The following ASB18 variants were observed in gnomAD, a reference collection of about 807,000 sequenced individuals.
ASB18 encodes ankyrin repeat and SOCS box protein 18.
Under a neutral mutation model 33.4 loss-of-function variants are expected in ASB18, and 33 were observed. That is an observed-to-expected ratio of 0.99 (90% CI 0.75 to 1.32). ASB18 has a LOEUF of 1.32. ASB18 is among the 40% of genes most tolerant of loss of function. The probability of loss-of-function intolerance (pLI) is 0.00; values close to 1 mark genes in which losing one functional copy is unlikely to be tolerated. For synonymous variants in ASB18, 295 were observed against 307.6 expected, an observed-to-expected ratio of 0.96 and a Z score of 0.43; for missense variants, 694 against 655.5, an observed-to-expected ratio of 1.06 and a Z score of -0.64.
intron 1 of ASB18, chr2:236,247,778 G>C (rs551950549): frequency 1.3e-5 from 2 of 152,326 alleles, no homozygotes; most frequent in South Asian, 4.1e-4. Flanking sequence ...AATTGTCAAA[G>C]TCTTTGAGGA....
Position 236,241,366 on chromosome 2 carries a change from A to G in ASB18, c.242T>C (p.Phe81Ser). 1 of 1,614,004 alleles carries G rather than the reference A, an allele frequency of 6.2e-7. No homozygotes were observed. Among genetic ancestry groups the G allele is most frequent in the Non-Finnish European group, 8.5e-7 (1 of 1,179,888 alleles). Residue 81 changes from phenylalanine to serine, a missense_variant, in exon 2 of 6, where the codon TTC becomes TCC. Phe to Ser is a radical substitution (Grantham distance 155). Coordinates refer to ENST00000409749, the MANE Select transcript of ASB18 (RefSeq NM_212556.4). The surrounding 1 kb of genome is among the most constrained non-coding windows in gnomAD (Gnocchi z 4.2). ...LDHLKPLMDQFFQDANVVFEI... is the reference protein window; with the variant it reads ...LDHLKPLMDQSFQDANVVFEI... The stretch of plus-strand genomic sequence containing the variant: ...AAACACCACGTTGGCATCCTGGAAG[A>G]ACTGGTCCATGAGGGGCTTCAGATG...
At chr2:236,197,982 GC>G (rs1282686590) in intron 4 of ASB18, among the ~76,000 whole-genome samples, 1 of 152,102 alleles carries the variant, frequency 6.6e-6, no homozygotes, top group African/African-American at 2.4e-5. Context: ...ACTTTTCTAA[GC>G]CCAGCTACCA....
Position 236,220,462 on chromosome 2 carries a change from G to A in ASB18, c.597-5596C>T, listed in dbSNP as rs914407486. Reference sequence around the variant, plus strand: ...CACTCTCTCGTCTCCCCTGCCTCCTGATCACCCTCTTTATTCAAAGCCCTG... The same window carrying A: ...CACTCTCTCGTCTCCCCTGCCTCCTAATCACCCTCTTTATTCAAAGCCCTG... On this transcript the variant is annotated intron_variant, in intron 3 of 5. Transcript: ENST00000409749. The surrounding 1 kb of genome is among the most constrained non-coding windows in gnomAD (Gnocchi z 5.1). Among the ~76,000 whole-genome samples the A allele has an allele frequency of 6.6e-6, 1 of 151,890 alleles. No homozygotes were observed. The highest frequency in any genetic ancestry group is 2.4e-5 in the African/African-American group (1 of 41,332).
At chr2:236,202,944 A>T (rs2060412573) in intron 4 of ASB18, among the ~76,000 whole-genome samples, 1 of 151,822 alleles carries the variant, frequency 6.6e-6, no homozygotes, top group Admixed American at 6.6e-5. Flanking sequence ...CTGGAGTTTT[A>T]GTTCCAGGTT....
rs1039983858 is a variant in ASB18, at chr2:236,219,015, G to A, written c.597-4149C>T. 2.9e-4 allele frequency among the ~76,000 whole-genome samples: 44 copies of A among 151,686 alleles called. No individual in the cohort carries two copies. The highest frequency in any genetic ancestry group is 1.4e-3 in the Admixed American group (21 of 15,220). ...CTCCCAAGTAGCTGGGACTATAGCC[G>A]AGTGCCCCCATGCTTGGCTAATTTT... On this transcript the variant is annotated intron_variant, in intron 3 of 5. Transcript: ENST00000409749. The surrounding 1 kb of genome is among the most constrained non-coding windows in gnomAD (Gnocchi z 6.4).
chr2:236,227,271 C>T (rs1355993644), intron 3 of ASB18, among the ~76,000 whole-genome samples: 2 of 151,854 alleles, frequency 1.3e-5, no homozygotes, highest in Admixed American at 1.3e-4. Flanking sequence ...TCATAAATGA[C>T]CAATAACTAT....
rs1424547268 is a variant in ASB18, at chr2:236,193,641, A to G, written c.*1231T>C. Among the ~76,000 whole-genome samples the G allele has an allele frequency of 6.6e-6, 1 of 152,100 alleles. No homozygotes were observed. The highest frequency in any genetic ancestry group is 1.5e-5 in the Non-Finnish European group (1 of 68,010). On this transcript the variant is annotated 3_prime_UTR_variant, in exon 6 of 6. Transcript: ENST00000409749. This position sits in a 1 kb window ranked among gnomAD's most constrained non-coding sequence, Gnocchi z 5.0. ...GAGAAACCCCGTCTCTACTAAAAAT[A>G]AAAAATTAGCCGGGCGTGCTGGCAC...
rs1055091538 is a variant in ASB18, at chr2:236,262,123, G to T, written c.205+2018C>A. ...TAGTTTCAAGTGTTTGGTAAAATGA[G>T]ACACACAGTAAAGATTTTGCAGGGC... On this transcript the variant is annotated intron_variant, in intron 1 of 5. Transcript: ENST00000409749. This position sits in a 1 kb window ranked among gnomAD's most constrained non-coding sequence, Gnocchi z 5.2. Among the ~76,000 whole-genome samples the T allele has an allele frequency of 1.3e-5, 2 of 152,210 alleles. No individual in the cohort carries two copies. The highest frequency in any genetic ancestry group is 2.4e-5 in the African/African-American group (1 of 41,460).
rs1402476426 is a variant in ASB18 at position 236,264,323 on chromosome 2, G to A, written c.23C>T (p.Pro8Leu). The change falls in exon 1 of 6, where the codon CCC becomes CTC. Residue 8 changes from proline (P) to leucine (L), a missense_variant. Pro to Leu is a moderately conservative substitution (Grantham distance 98). Transcript: ENST00000409749. This position sits in a 1 kb window ranked among gnomAD's most constrained non-coding sequence, Gnocchi z 5.1. MSNSDYLPDYPLNSDLVK... is the reference protein window; with the variant it reads MSNSDYLLDYPLNSDLVK... ...TAAATCTGAGTTGAGTGGGTAGTCG[G>A]GAAGGTAATCCGAGTTGGACATTGT... 1.9e-6 allele frequency: 3 copies of A among 1,613,994 alleles called. No homozygotes were observed. The highest frequency in any genetic ancestry group is 2.5e-6 in the Non-Finnish European group (3 of 1,179,884).
chr2:236,259,821 G>A lies in ASB18; in HGVS notation c.205+4320C>T, dbSNP rs2060710023. 6.6e-6 allele frequency among the ~76,000 whole-genome samples: 1 copy of A among 152,242 alleles called. No individual in the cohort carries two copies. Among genetic ancestry groups the A allele is most frequent in the Admixed American group, 6.5e-5 (1 of 15,284 alleles). On this transcript the variant is annotated intron_variant, in intron 1 of 5. Transcript: ENST00000409749. This position sits in a 1 kb window ranked among gnomAD's most constrained non-coding sequence, Gnocchi z 4.4. ...CTCCTGCCTAATGCCTGCCTCAGCA[G>A]GGTATGTTCTGTGCTTTCCCCCAAT... is the stretch of plus-strand genomic sequence containing the variant.
Position 236,260,215 on chromosome 2 carries a change from G to A in ASB18, c.205+3926C>T, listed in dbSNP as rs1198866639. ...GTCTACTGGGCTTGTCCTTGGGATA[G>A]AAACCTCTTCCCTCTTCTTTCCCCC... On this transcript the variant is annotated intron_variant, in intron 1 of 5. Coordinates refer to ENST00000409749, the MANE Select transcript of ASB18 (RefSeq NM_212556.4). The surrounding 1 kb of genome is among the most constrained non-coding windows in gnomAD (Gnocchi z 5.1). Among the ~76,000 whole-genome samples the A allele has an allele frequency of 1.3e-5, 2 of 152,150 alleles. No individual in the cohort carries two copies. The highest frequency in any genetic ancestry group is 2.9e-5 in the Non-Finnish European group (2 of 68,042).
At chr2:236,243,023 A>C (rs1340510975) in intron 1 of ASB18, among the ~76,000 whole-genome samples, 2 of 72,128 alleles carry the variant, frequency 2.8e-5, no homozygotes, top group Non-Finnish European at 5.7e-5. Context: ...CCTGTCTCAA[A>C]AAAAAAAAAA....
At position 236,231,121 on chromosome 2, in the gene ASB18, G is replaced by A. The variant is rs758904205; in HGVS notation, c.596+6568C>T. On this transcript the variant is annotated intron_variant, in intron 3 of 5. Transcript: ENST00000409749. This position sits in a 1 kb window ranked among gnomAD's most constrained non-coding sequence, Gnocchi z 5.5. ...GCGTGGGCAGAACCTTTGATTTGCC[G>A]CTAACCAATGGACTATTGCAAAGGT... 2.6e-5 allele frequency among the ~76,000 whole-genome samples: 4 copies of A among 152,222 alleles called. No individual in the cohort carries two copies. Among genetic ancestry groups the A allele is most frequent in the East Asian group, 1.9e-4 (1 of 5,160 alleles).
chr2:236,214,782 C>T lies in ASB18; in HGVS notation c.681G>A (p.Ala227=). The change falls in exon 4 of 6, where the codon GCG becomes GCA. Residue 227 remains alanine, a synonymous_variant. Coordinates refer to ENST00000409749, the MANE Select transcript of ASB18 (RefSeq NM_212556.4). This position sits in a 1 kb window ranked among gnomAD's most constrained non-coding sequence, Gnocchi z 6.5. ...GCGCGTGCTCGTCCAGGCCGCGCTG[C>T]GCCGCCACGTGCAGCGGCGTGTCCC... ...TGRDTPLHVA[A]QRGLDEHARL... is the part of the protein sequence containing the mutation. 1.7e-6 allele frequency: 2 copies of T among 1,199,066 alleles called. No individual in the cohort carries two copies. The highest frequency in any genetic ancestry group is 2.1e-6 in the Non-Finnish European group (2 of 966,626). 74.3% of individuals were successfully genotyped at this position (1,199,066 alleles called of 1,614,324 possible). A position where few individuals can be genotyped will look rare whatever the true frequency, so the allele number is the denominator to read the frequency against.
chr2:236,242,329 G>A (rs2060624737), intron 1 of ASB18, among the ~76,000 whole-genome samples: 1 of 152,108 alleles, frequency 6.6e-6, no homozygotes. Flanking sequence ...TGGCTGCCCA[G>A]GATTTAGTCT....
rs2106269755 is a variant in ASB18 at position 236,216,371 on chromosome 2, T to C, written c.597-1505A>G. On this transcript the variant is annotated intron_variant, in intron 3 of 5. Coordinates refer to ENST00000409749, the MANE Select transcript of ASB18 (RefSeq NM_212556.4). The surrounding 1 kb of genome is among the most constrained non-coding windows in gnomAD (Gnocchi z 6.1). Reference sequence around the variant, plus strand: ...GGAACTCCCTCACCTGCCTGCCTTCTGCAAACACATCTGTTTCAACACTGA... The same window carrying C: ...GGAACTCCCTCACCTGCCTGCCTTCCGCAAACACATCTGTTTCAACACTGA... Among the ~76,000 whole-genome samples, 1 of 152,346 alleles carries C rather than the reference T, an allele frequency of 6.6e-6. No homozygotes were observed. The highest frequency in any genetic ancestry group is 2.1e-4 in the South Asian group (1 of 4,824).
At position 236,220,239 on chromosome 2, in the gene ASB18, G is replaced by A. The variant is rs1313180608; in HGVS notation, c.597-5373C>T. On this transcript the variant is annotated intron_variant, in intron 3 of 5. Transcript: ENST00000409749. This position sits in a 1 kb window ranked among gnomAD's most constrained non-coding sequence, Gnocchi z 5.1. Reference sequence around the variant, plus strand: ...ATCCACCCTCCAGCACCTTCCCAAAGCACTGGCTTTTCCTAGTCCCTTCCC... The same window carrying A: ...ATCCACCCTCCAGCACCTTCCCAAAACACTGGCTTTTCCTAGTCCCTTCCC... 6.6e-6 allele frequency among the ~76,000 whole-genome samples: 1 copy of A among 152,168 alleles called. No homozygotes were observed. Among genetic ancestry groups the A allele is most frequent in the Non-Finnish European group, 1.5e-5 (1 of 68,026 alleles).
Position 236,196,265 on chromosome 2 carries a change from C to G in ASB18, c.1215+7G>C, listed in dbSNP as rs1355316136. 6.7e-7 allele frequency: 1 copy of G among 1,496,220 alleles called. No individual in the cohort carries two copies. 92.7% of individuals were successfully genotyped at this position (1,496,220 alleles called of 1,614,324 possible). A position where few individuals can be genotyped will look rare whatever the true frequency, so the allele number is the denominator to read the frequency against. On this transcript the variant is annotated splice_region_variant and intron_variant, in intron 5 of 5. Coordinates refer to ENST00000409749, the MANE Select transcript of ASB18 (RefSeq NM_212556.4). The surrounding 1 kb of genome is among the most constrained non-coding windows in gnomAD (Gnocchi z 5.6). ...ACTAAAGATGGGCAGAAAGGCAGCC[C>G]TCTTGCCTGGAATACTTCCTCAGGA...
rs111693200 is a variant in ASB18 at position 236,201,137 on chromosome 2, T to G, written c.1102-4752A>C. Among the ~76,000 whole-genome samples the G allele has an allele frequency of 6.6e-3, 1,000 of 151,078 alleles. 14 individuals are homozygous for G. The highest frequency in any genetic ancestry group is 0.023 in the African/African-American group (951 of 41,214). The stretch of plus-strand genomic sequence containing the variant: ...CTCCTTCCCTCCTTCCTTCCTTCCC[T>G]CCTTCCTTCCTTCCTTCTTTCCTTC... On this transcript the variant is annotated intron_variant, in intron 4 of 5. Transcript: ENST00000409749.
Sources: gnomAD v4.1 joint callset for allele counts (sites outside exome capture counted in the v4.1 genomes callset) on GRCh38, gnomAD v4.1.1 for gene constraint, Gnocchi (gnomAD v3.1) non-coding constraint, MANE v1.5 for transcripts, NCBI Gene and HGNC (gene_info 2026-07-23, HGNC 2026-07-21) for gene names.